The following PLPP7 variants were observed in gnomAD, a reference collection of about 807,000 sequenced individuals.
PLPP7 encodes the protein phospholipid phosphatase 7 (inactive), also known as inactive phospholipid phosphatase 7.
A neutral mutation model predicts 16.9 loss-of-function variants in PLPP7; 11 were observed. The observed-to-expected ratio is 0.65, with a 90% confidence interval of 0.41 to 1.08. PLPP7 has a LOEUF of 1.08. Ranked by LOEUF, PLPP7 falls within the 50% of genes least tolerant of loss-of-function variation. The pLI is 0.00. For synonymous variants in PLPP7, 174 were observed against 175.1 expected, an observed-to-expected ratio of 0.99 and a Z score of 0.05; for missense variants, 358 against 397.1, an observed-to-expected ratio of 0.90 and a Z score of 0.84.
chr9:131,306,274 G>A, intron 1 of PLPP7, among the ~76,000 whole-genome samples: 1 of 151,926 alleles, frequency 6.6e-6, no homozygotes, highest in Non-Finnish European at 1.5e-5. Flanking sequence ...GGGCGCGGTG[G>A]CTCATGTCTG....
chr9:131,299,070 G>C (rs542546), intron 1 of PLPP7, among the ~76,000 whole-genome samples: 100,048 of 152,140 alleles, frequency 0.66, 34,130 homozygotes, highest in Middle Eastern at 0.78. Flanking sequence ...ACAAGCATCA[G>C]AGCAGGCCCC....
chr9:131,300,372 A>G (rs1265874147), intron 1 of PLPP7, among the ~76,000 whole-genome samples: 1 of 152,120 alleles, frequency 6.6e-6, no homozygotes, highest in Non-Finnish European at 1.5e-5. Context: ...CATCGGGAAA[A>G]GCAATGTTTT....
chr9:131,292,908 G>T (rs1323624202), intron 1 of PLPP7: 1 of 985,272 alleles, frequency 1.0e-6, no homozygotes, highest in Non-Finnish European at 1.2e-6. Flanking sequence ...AAAGCTGTTT[G>T]CCCCACAGGA....
At position 131,290,383 on chromosome 9, in the gene PLPP7, C is replaced by A; in HGVS notation, c.386C>A (p.Thr129Asn). 6.2e-7 allele frequency: 1 copy of A among 1,600,548 alleles called. No individual in the cohort carries two copies. The highest frequency in any genetic ancestry group is 1.7e-5 in the Admixed American group (1 of 59,438). ...TGHGIPWIGG[T>N]ILCLVKSSTL... is the part of the protein sequence containing the mutation. ...CACGGCATCCCCTGGATCGGAGGCA[C>A]CATCCTCTGCCTGGTGAAGAGCAGC... The change falls in exon 1 of 2, where the codon ACC (threonine) becomes AAC (asparagine). Residue 129 changes from threonine (T) to asparagine (N), a missense_variant. Thr to Asn is a moderately conservative substitution (Grantham distance 65). Transcript: ENST00000372264. The surrounding 1 kb of genome is among the most constrained non-coding windows in gnomAD (Gnocchi z 4.2).
In PLPP7 at chr9:131,290,717, G is replaced by T. The variant is rs1294036589; in HGVS notation, c.451+269G>T. On this transcript the variant is annotated intron_variant, in intron 1 of 1. Coordinates refer to ENST00000372264, the MANE Select transcript of PLPP7 (RefSeq NM_032728.4). This position sits in a 1 kb window ranked among gnomAD's most constrained non-coding sequence, Gnocchi z 4.2. The stretch of plus-strand genomic sequence containing the variant: ...GTGAGAAGGACCTGCTCAGCAAAAG[G>T]CACCGCTGCCCAGAGGCAGCTTGAA... Among the ~76,000 whole-genome samples, 3 of 152,334 alleles carry T rather than the reference G, an allele frequency of 2.0e-5. No homozygotes were observed. Among genetic ancestry groups the T allele is most frequent in the East Asian group, 1.9e-4 (1 of 5,186 alleles).
chr9:131,291,254 C>G (rs1835673730), intron 1 of PLPP7: 2 of 1,332,080 alleles, frequency 1.5e-6, no homozygotes, highest in Non-Finnish European at 2.0e-6. Flanking sequence ...AGCTTCCACC[C>G]TCCACGCCAG....
In PLPP7 at chr9:131,290,395, T is replaced by G. The variant is rs1182789609; in HGVS notation, c.398T>G (p.Leu133Arg). 1 of 1,595,332 alleles carries G rather than the reference T, an allele frequency of 6.3e-7. No homozygotes were observed. Among genetic ancestry groups the G allele is most frequent in the Non-Finnish European group, 8.5e-7 (1 of 1,171,102 alleles). Residue 133 changes from leucine to arginine, a missense_variant, in exon 1 of 2, where the codon CTG becomes CGG. Physicochemically the swap from Leu to Arg is moderately radical, Grantham distance 102 (BLOSUM62 -2). Coordinates refer to ENST00000372264, the MANE Select transcript of PLPP7 (RefSeq NM_032728.4). This position sits in a 1 kb window ranked among gnomAD's most constrained non-coding sequence, Gnocchi z 4.2. ...IPWIGGTILC[L>R]VKSSTLAGQE... Reference sequence around the variant, plus strand: ...TGGATCGGAGGCACCATCCTCTGCCTGGTGAAGAGCAGCACACTGGCCGGC... The same window carrying G: ...TGGATCGGAGGCACCATCCTCTGCCGGGTGAAGAGCAGCACACTGGCCGGC...
At chr9:131,297,605 C>T (rs1835748748) in intron 1 of PLPP7, among the ~76,000 whole-genome samples, 1 of 152,074 alleles carries the variant, frequency 6.6e-6, no homozygotes, top group Admixed American at 6.6e-5. Context: ...AGGCTGGTCT[C>T]GAACTCCTGA....
Position 131,290,129 on chromosome 9 carries a change from C to T in PLPP7, c.132C>T (p.Gly44=). Residue 44 remains glycine, a synonymous_variant, in exon 1 of 2, where the codon GGC becomes GGT. Coordinates refer to ENST00000372264, the MANE Select transcript of PLPP7 (RefSeq NM_032728.4). This position sits in a 1 kb window ranked among gnomAD's most constrained non-coding sequence, Gnocchi z 4.2. ...EPRSSGRKAS[G]PSAQPPPAGD... ...GCAGCTCGGGCAGAAAGGCCTCGGGCCCATCAGCACAGCCCCCACCTGCTG... is the reference window on the plus strand; with the variant it reads ...GCAGCTCGGGCAGAAAGGCCTCGGGTCCATCAGCACAGCCCCCACCTGCTG... 2.6e-6 allele frequency: 4 copies of T among 1,556,796 alleles called. No individual in the cohort carries two copies. In the South Asian group the frequency reaches 3.6e-5, roughly 14 times the overall value.
At chr9:131,296,116 C>G (rs1241070254) in intron 1 of PLPP7, among the ~76,000 whole-genome samples, 2 of 152,192 alleles carry the variant, frequency 1.3e-5, no homozygotes, top group African/African-American at 2.4e-5. Flanking sequence ...TTACATTCCC[C>G]CAGCAATGCC....
In PLPP7 at chr9:131,290,194, C is replaced by T; in HGVS notation, c.197C>T (p.Pro66Leu). The T allele has an allele frequency of 6.3e-7, 1 of 1,594,204 alleles. No homozygotes were observed. Among genetic ancestry groups the T allele is most frequent in the African/African-American group, 1.3e-5 (1 of 74,678 alleles). The change falls in exon 1 of 2, where the codon CCA becomes CTA. Residue 66 changes from proline (P) to leucine (L), a missense_variant. Coordinates refer to ENST00000372264, the MANE Select transcript of PLPP7 (RefSeq NM_032728.4). The surrounding 1 kb of genome is among the most constrained non-coding windows in gnomAD (Gnocchi z 4.2). Reference sequence around the variant, plus strand: ...GAGCGACGCCAGTCACAGCAGCTGCCAGAGGAGGACTGCATGCAGCTGAAC... The same window carrying T: ...GAGCGACGCCAGTCACAGCAGCTGCTAGAGGAGGACTGCATGCAGCTGAAC... ...ARERRQSQQL[P>L]EEDCMQLNPS...
chr9:131,301,925 T>C (rs562824127), intron 1 of PLPP7, among the ~76,000 whole-genome samples: 248 of 151,770 alleles, frequency 1.6e-3, no homozygotes, highest in Non-Finnish European at 2.9e-3. Context: ...CAAGTGATTC[T>C]CCTGCCTCAG....
rs1408453473 is a variant in PLPP7, at chr9:131,295,691, A to G, written c.451+5243A>G. Among the ~76,000 whole-genome samples, 1 of 150,666 alleles carries G rather than the reference A, an allele frequency of 6.6e-6. No homozygotes were observed. Among genetic ancestry groups the G allele is most frequent in the Non-Finnish European group, 1.5e-5 (1 of 67,616 alleles). On this transcript the variant is annotated intron_variant, in intron 1 of 1. Transcript: ENST00000372264. This position sits in a 1 kb window ranked among gnomAD's most constrained non-coding sequence, Gnocchi z 4.0. Reference sequence around the variant, plus strand: ...CTTCCCCCAGCCCCTGGCAACCTCCATTCTACACTCTGTCTCTGTGGATTT... The same window carrying G: ...CTTCCCCCAGCCCCTGGCAACCTCCGTTCTACACTCTGTCTCTGTGGATTT...
Position 131,290,973 on chromosome 9 carries a change from T to C in PLPP7, c.451+525T>C. The C allele has an allele frequency of 1.0e-6, 1 of 960,542 alleles. No homozygotes were observed. Among genetic ancestry groups the C allele is most frequent in the Non-Finnish European group, 1.5e-6 (1 of 662,868 alleles). 59.5% of individuals were successfully genotyped at this position (960,542 alleles called of 1,614,324 possible). ...CCCAGGGTCTGGGGACCCAGGGAGTTCCCCTGGGACTGCCACCCACTCACA... is the reference window on the plus strand; with the variant it reads ...CCCAGGGTCTGGGGACCCAGGGAGTCCCCCTGGGACTGCCACCCACTCACA... On this transcript the variant is annotated intron_variant, in intron 1 of 1. Transcript: ENST00000372264. This position sits in a 1 kb window ranked among gnomAD's most constrained non-coding sequence, Gnocchi z 4.2.
intron 1 of PLPP7, among the ~76,000 whole-genome samples, chr9:131,294,874 G>A (rs1177262037): frequency 6.6e-6 from 1 of 151,910 alleles, no homozygotes. Context: ...GGGATTATAG[G>A]CGTGAGGTGA....
intron 1 of PLPP7, among the ~76,000 whole-genome samples, chr9:131,296,061 T>TG (rs1333200816): frequency 6.6e-6 from 1 of 152,166 alleles, no homozygotes; most frequent in Non-Finnish European, 1.5e-5. Context: ...TGTGTTGACT[T>TG]GTTTGAGGAC....
At chr9:131,306,913 A>C (rs1835859406) in intron 1 of PLPP7, among the ~76,000 whole-genome samples, 1 of 152,186 alleles carries the variant, frequency 6.6e-6, no homozygotes, top group Non-Finnish European at 1.5e-5. Flanking sequence ...AAAATGGTTC[A>C]CTGTACAAGA....
intron 1 of PLPP7, among the ~76,000 whole-genome samples, chr9:131,300,192 TGCCTGGGAGGGCAG>T (rs1461151280): frequency 6.6e-6 from 1 of 152,232 alleles, no homozygotes; most frequent in African/African-American, 2.4e-5. Context: ...AGGGAGCACA[TGCCTGGGAGGGCAG>T]GAGGTGACCA....
At chr9:131,292,742 C>T (rs566264851) in intron 1 of PLPP7, 1 of 974,710 alleles carries the variant, frequency 1.0e-6, no homozygotes, top group Admixed American at 6.2e-5. Flanking sequence ...AGCAAGCTGC[C>T]TCACATCACC....
Sources: allele counts gnomAD v4.1 joint callset (sites outside exome capture counted in the v4.1 genomes callset), GRCh38; gene constraint gnomAD v4.1.1; non-coding constraint Gnocchi (gnomAD v3.1); transcripts MANE v1.5; gene names NCBI Gene and HGNC (gene_info 2026-07-23, HGNC 2026-07-21).